The following KIZ variants were observed in gnomAD, a reference collection of about 807,000 sequenced individuals.
KIZ encodes kizuna centrosomal protein.
A neutral mutation model predicts 79.6 loss-of-function variants in KIZ; 68 were observed. The observed-to-expected ratio is 0.85, with a 90% CI of 0.70 to 1.05. The LOEUF (loss-of-function observed/expected upper bound fraction) is 1.05. Among genes scored for constraint, KIZ ranks in the 50% least tolerant of loss-of-function variants. KIZ has a pLI of 0.00. For synonymous variants in KIZ, 280 were observed against 281.8 expected (o/e 0.99, Z 0.06); for missense variants, 797 against 800.4 (o/e 1.00, Z 0.05).
chr20:21,140,454 G>A (rs770586320), intron 3 of KIZ, among the ~76,000 whole-genome samples: 14 of 152,144 alleles, frequency 9.2e-5, no homozygotes, highest in Non-Finnish European at 1.9e-4. Context: ...ACTTTGTAGA[G>A]GTGGGCTGGG....
At chr20:21,216,115 G>A (rs2036279349) in intron 9 of KIZ, among the ~76,000 whole-genome samples, 1 of 152,160 alleles carries the variant, frequency 6.6e-6, no homozygotes, top group African/African-American at 2.4e-5. Flanking sequence ...TTTAAAAATT[G>A]TACCAATCGG....
At chr20:21,181,832 C>T (rs776981668) in intron 6 of KIZ, among the ~76,000 whole-genome samples, 2 of 152,182 alleles carry the variant, frequency 1.3e-5, no homozygotes, top group Non-Finnish European at 2.9e-5. Flanking sequence ...TATCAGGATG[C>T]TGTTGGTTGC....
intron 11 of KIZ, among the ~76,000 whole-genome samples, chr20:21,240,329 TG>T (rs1271390719): frequency 6.6e-6 from 1 of 152,166 alleles, no homozygotes; most frequent in Non-Finnish European, 1.5e-5. Flanking sequence ...TTCACCATGT[TG>T]GCCAGGCTGA....
intron 11 of KIZ, among the ~76,000 whole-genome samples, chr20:21,243,581 G>A (rs989263425): frequency 7.2e-5 from 11 of 152,174 alleles, no homozygotes; most frequent in Non-Finnish European, 1.3e-4. Flanking sequence ...ACTCCCTGAG[G>A]AGACTTTTAA....
At chr20:21,216,996 T>G (rs2036318385) in intron 9 of KIZ, among the ~76,000 whole-genome samples, 1 of 152,152 alleles carries the variant, frequency 6.6e-6, no homozygotes, top group African/African-American at 2.4e-5. Flanking sequence ...CATGCAGAAG[T>G]GCAATATGGC....
rs1179846849 is a variant in KIZ at position 21,137,632 on chromosome 20, A to AT, written c.315+1091dup. 4.4e-4 allele frequency among the ~76,000 whole-genome samples: 65 copies of AT among 146,554 alleles called. No individual in the cohort carries two copies. The East Asian group carries it at 7.0e-3, about 16-fold the overall frequency. The stretch of plus-strand genomic sequence containing the variant: ...CTTGTTATATTTGCTTTGTATGTGT[A>AT]TTTTTTTTTTTCTCTGAGCCATTGA... On this transcript the variant is annotated intron_variant, in intron 3 of 12. Coordinates refer to ENST00000619189, the MANE Select transcript of KIZ (RefSeq NM_018474.6).
upstream of KIZ, chr20:21,126,060 A>G: frequency 7.1e-7 from 1 of 1,400,098 alleles, no homozygotes; most frequent in Non-Finnish European, 9.3e-7. Context: ...CTCCTTCGGC[A>G]ACCCCGGCCG....
At chr20:21,135,375 C>G (rs1278977204) in intron 2 of KIZ, among the ~76,000 whole-genome samples, 1 of 152,150 alleles carries the variant, frequency 6.6e-6, no homozygotes, top group African/African-American at 2.4e-5. Flanking sequence ...GTCAAAAATG[C>G]AGAGACATGG....
At chr20:21,129,185 G>C (rs1360130241) in intron 1 of KIZ, among the ~76,000 whole-genome samples, 2 of 152,178 alleles carry the variant, frequency 1.3e-5, no homozygotes, top group Admixed American at 6.5e-5. Context: ...TGAGGGGCTA[G>C]AAAATAGGCC....
At chr20:21,205,650 T>A in intron 7 of KIZ, 66 bp downstream of exon 7, 1 of 657,298 alleles carries the variant, frequency 1.5e-6, no homozygotes, top group Non-Finnish European at 2.5e-6. Context: ...AGGTTAGTAA[T>A]TTTTATTTAA....
intron 9 of KIZ, among the ~76,000 whole-genome samples, chr20:21,222,966 ACTT>A (rs1400378981): frequency 2.0e-5 from 3 of 152,196 alleles, no homozygotes; most frequent in African/African-American, 7.2e-5. Flanking sequence ...ATGAGGAAGG[ACTT>A]CTTCATATTT....
intron 6 of KIZ, chr20:21,166,538 C>T: frequency 6.7e-7 from 1 of 1,494,008 alleles, no homozygotes; most frequent in Non-Finnish European, 9.2e-7. Flanking sequence ...GCGTTTGCCT[C>T]TCTTTTCGGC....
In KIZ at chr20:21,132,132, A is replaced by G. The variant is rs1194803313; in HGVS notation, c.125A>G (p.Tyr42Cys). The G allele has an allele frequency of 4.1e-6, 6 of 1,471,792 alleles. No individual in the cohort carries two copies. In the Admixed American group the frequency reaches 8.1e-5, roughly 20 times the overall value. 91.2% of individuals were successfully genotyped at this position (1,471,792 alleles called of 1,614,324 possible). ...KKRLDLEKKL[Y>C]EYNQSDTCRV... is the part of the protein sequence containing the mutation. The stretch of plus-strand genomic sequence containing the variant: ...AGATTGGACCTGGAAAAGAAACTTT[A>G]TGAATATAATCAGTCTGATACATGC... Residue 42 changes from tyrosine to cysteine, a missense_variant, in exon 2 of 13, where the codon TAT becomes TGT. Coordinates refer to ENST00000619189, the MANE Select transcript of KIZ (RefSeq NM_018474.6).
At chr20:21,201,980 G>T (rs950374611) in intron 6 of KIZ, among the ~76,000 whole-genome samples, 1 of 152,154 alleles carries the variant, frequency 6.6e-6, no homozygotes, top group Admixed American at 6.5e-5. Flanking sequence ...CAAACCCTAG[G>T]TGCTGTACCT....
chr20:21,157,342 G>A (rs2033433639), intron 4 of KIZ, among the ~76,000 whole-genome samples: 1 of 152,112 alleles, frequency 6.6e-6, no homozygotes, highest in South Asian at 2.1e-4. Context: ...AACATGCCAT[G>A]TACTTATTAA....
intron 6 of KIZ, among the ~76,000 whole-genome samples, chr20:21,167,151 C>G (rs2033980008): frequency 6.6e-6 from 1 of 152,224 alleles, no homozygotes; most frequent in Admixed American, 6.5e-5. Context: ...GATGACCCCA[C>G]TAACCCAGAT....
At chr20:21,206,543 C>G (rs1434416368) in intron 7 of KIZ, among the ~76,000 whole-genome samples, 2 of 152,166 alleles carry the variant, frequency 1.3e-5, no homozygotes, top group Non-Finnish European at 2.9e-5. Context: ...AACACATGTT[C>G]AGGCAACAGA....
At chr20:21,143,632 A>C (rs1221347740) in intron 3 of KIZ, among the ~76,000 whole-genome samples, 3 of 152,224 alleles carry the variant, frequency 2.0e-5, no homozygotes, top group Non-Finnish European at 2.9e-5. Flanking sequence ...AGTGCTGTGA[A>C]GCAATACAGT....
chr20:21,139,414 A>C (rs1193093618), intron 3 of KIZ, among the ~76,000 whole-genome samples: 2 of 152,186 alleles, frequency 1.3e-5, no homozygotes, highest in African/African-American at 2.4e-5. Context: ...AGCAAGTTTT[A>C]GCTTCCCAAT....
Sources: allele counts gnomAD v4.1 joint callset (sites outside exome capture counted in the v4.1 genomes callset), GRCh38; gene constraint gnomAD v4.1.1; transcripts MANE v1.5; gene names NCBI Gene and HGNC (gene_info 2026-07-23, HGNC 2026-07-21).